Variants in NCK2 observed in about 807,000 individuals in gnomAD.
NCK2 encodes the protein NCK adaptor protein 2, also known as cytoplasmic protein NCK2.
In NCK2, 16 loss-of-function variants were observed where a neutral mutation model predicts 33.9. The ratio of observed to expected loss-of-function variants is 0.47; its 90% CI spans 0.32 to 0.72. The LOEUF is 0.72. Ranked by LOEUF, NCK2 falls within the 30% of genes least tolerant of loss-of-function variation. The pLI, the probability that NCK2 is intolerant of heterozygous loss-of-function variation, is 0.03. For synonymous variants in NCK2, 273 were observed against 239.9 expected (o/e 1.14, Z -1.27); for missense variants, 418 against 537.3 (o/e 0.78, Z 2.19).
chr2:105,835,405 A>ATATATATATATATATGTGTG (rs70953537), intron 2 of NCK2, among the ~76,000 whole-genome samples: 1 of 37,968 alleles, frequency 2.6e-5, no homozygotes, highest in Non-Finnish European at 6.8e-5. Context: ...ATATATATAT[A>ATATATATATATATATGTGTG]CGTGTATATA....
intron 3 of NCK2, among the ~76,000 whole-genome samples, chr2:105,880,617 T>C (rs1678431896): frequency 6.6e-6 from 1 of 152,202 alleles, no homozygotes; most frequent in South Asian, 2.1e-4. Flanking sequence ...AACGGGTCTT[T>C]GAATTCATTT....
At chr2:105,857,184 G>A (rs563392023) in intron 3 of NCK2, 1 of 152,278 alleles carries the variant, frequency 6.6e-6, no homozygotes, top group South Asian at 2.1e-4. Context: ...TTTTCTAGAA[G>A]CAGAAAAGAC....
intron 2 of NCK2, among the ~76,000 whole-genome samples, chr2:105,850,382 A>G (rs1677019484): frequency 6.6e-6 from 1 of 152,154 alleles, no homozygotes; most frequent in African/African-American, 2.4e-5. Flanking sequence ...TTGAGCTGAG[A>G]AAGTTTTTAT....
At chr2:105,828,342 TTTG>T (rs1339272582) in intron 2 of NCK2, among the ~76,000 whole-genome samples, 1 of 152,146 alleles carries the variant, frequency 6.6e-6, no homozygotes, top group Non-Finnish European at 1.5e-5. Context: ...TAACCATATT[TTTG>T]TTGTTGTTGT....
chr2:105,823,054 A>G lies in NCK2; in HGVS notation c.-17+6441A>G, dbSNP rs146529595. Among the ~76,000 whole-genome samples the G allele has an allele frequency of 4.1e-4, 63 of 152,052 alleles. 1 individual carries two copies. The highest frequency in any genetic ancestry group is 1.5e-3 in the African/African-American group (61 of 41,346). On this transcript the variant is annotated intron_variant, in intron 2 of 4. Transcript: ENST00000233154. Reference sequence around the variant, plus strand: ...GAGCTTGAAATGAGCGCATTGCTGCAGTTGAGGTTCTCAAACTAGGAAAAG... The same window carrying G: ...GAGCTTGAAATGAGCGCATTGCTGCGGTTGAGGTTCTCAAACTAGGAAAAG...
rs112262780 is a variant in NCK2, at chr2:105,835,368, T to A, written c.-17+18755T>A. On this transcript the variant is annotated intron_variant, in intron 2 of 4. Coordinates refer to ENST00000233154, the MANE Select transcript of NCK2 (RefSeq NM_003581.5). ...TATAGTATTCTTGGCTGGTTTTATA[T>A]ATATATACATATATATACACATATA... Among the ~76,000 whole-genome samples, 504 of 94,944 alleles carry A rather than the reference T, an allele frequency of 5.3e-3. 14 individuals carry two copies. The highest frequency in any genetic ancestry group is 0.018 in the African/African-American group (456 of 25,502). The allele number at this position is 94,944 out of a possible 152,430, so 62.3% of individuals were successfully genotyped here.
chr2:105,878,832 G>A (rs1234641647), intron 3 of NCK2, among the ~76,000 whole-genome samples: 7 of 152,178 alleles, frequency 4.6e-5, no homozygotes, highest in Admixed American at 4.6e-4. Context: ...CTGCATGCTT[G>A]CTATGTGCAA....
At chr2:105,888,626 C>T (rs950374246) in intron 4 of NCK2, among the ~76,000 whole-genome samples, 3 of 152,284 alleles carry the variant, frequency 2.0e-5, no homozygotes, top group East Asian at 3.9e-4. Context: ...GGAGCCTGAC[C>T]CTCTTCCCTT....
intron 1 of NCK2, among the ~76,000 whole-genome samples, chr2:105,796,415 G>GTGGAACAAAA (rs1335108742): frequency 3.9e-5 from 6 of 152,194 alleles, no homozygotes; most frequent in Non-Finnish European, 7.3e-5. Flanking sequence ...AAAGAGGAGT[G>GTGGAACAAAA]AACAATTCAA....
intron 4 of NCK2, among the ~76,000 whole-genome samples, chr2:105,891,230 T>G (rs1280920468): frequency 6.6e-6 from 1 of 152,120 alleles, no homozygotes; most frequent in Non-Finnish European, 1.5e-5. Context: ...CTGCGGTATC[T>G]CATGCTCCTC....
intron 1 of NCK2, among the ~76,000 whole-genome samples, chr2:105,751,382 C>T (rs1488071966): frequency 3.3e-5 from 5 of 152,278 alleles, no homozygotes; most frequent in Admixed American, 3.3e-4. Context: ...CCAATCCATC[C>T]CAGGGTGACT....
At chr2:105,830,083 T>G (rs1676110421) in intron 2 of NCK2, among the ~76,000 whole-genome samples, 2 of 152,216 alleles carry the variant, frequency 1.3e-5, no homozygotes, top group African/African-American at 4.8e-5. Flanking sequence ...CTCAAACATT[T>G]ATTTTCTGTG....
chr2:105,780,803 A>C (rs1397604631), intron 1 of NCK2, among the ~76,000 whole-genome samples: 1 of 152,242 alleles, frequency 6.6e-6, no homozygotes. Flanking sequence ...ACACAGCAAG[A>C]AGCCGCCGTG....
intron 3 of NCK2, among the ~76,000 whole-genome samples, chr2:105,868,255 A>C (rs906002728): frequency 6.6e-6 from 1 of 152,206 alleles, no homozygotes; most frequent in Non-Finnish European, 1.5e-5. Flanking sequence ...CAACTCCTCC[A>C]GGCTGATGTG....
intron 3 of NCK2, 115 bp downstream of exon 3, chr2:105,855,404 T>G: frequency 1.4e-6 from 1 of 737,072 alleles, no homozygotes; most frequent in Non-Finnish European, 2.2e-6. Flanking sequence ...AGTTAATATC[T>G]TCCTAGTTGT....
At chr2:105,837,434 T>C (rs920561947) in intron 2 of NCK2, among the ~76,000 whole-genome samples, 3 of 152,168 alleles carry the variant, frequency 2.0e-5, no homozygotes, top group Non-Finnish European at 2.9e-5. Flanking sequence ...TGTGATTGTG[T>C]GGGGAGTGGT....
chr2:105,841,444 A>T (rs900061465), intron 2 of NCK2, among the ~76,000 whole-genome samples: 1 of 152,218 alleles, frequency 6.6e-6, no homozygotes, highest in Non-Finnish European at 1.5e-5. Flanking sequence ...GGTGAGGTAC[A>T]GGGGAAGGGG....
chr2:105,866,392 A>G (rs974147521), intron 3 of NCK2, among the ~76,000 whole-genome samples: 1 of 151,750 alleles, frequency 6.6e-6, no homozygotes, highest in African/African-American at 2.4e-5. Context: ...TGTCAGTACT[A>G]GCTGTCACAG....
chr2:105,747,286 A>G (rs1689316678), intron 1 of NCK2, among the ~76,000 whole-genome samples: 1 of 152,252 alleles, frequency 6.6e-6, no homozygotes. Context: ...TGAGAAATGC[A>G]CTACCATCCA....
Sources: gnomAD v4.1 joint callset for allele counts (sites outside exome capture counted in the v4.1 genomes callset) on GRCh38, gnomAD v4.1.1 for gene constraint, MANE v1.5 for transcripts, NCBI Gene and HGNC (gene_info 2026-07-23, HGNC 2026-07-21) for gene names.